MDGA2: variants seen among roughly 807,000 people sequenced by gnomAD.
MDGA2 encodes MAM domain-containing glycosylphosphatidylinositol anchor protein 2.
In MDGA2, 40 loss-of-function variants were observed where a neutral mutation model predicts 117.8. The ratio of observed to expected loss-of-function variants is 0.34; its 90% CI spans 0.26 to 0.44. The LOEUF (loss-of-function observed/expected upper bound fraction) is 0.44. Among genes scored for constraint, MDGA2 ranks in the 20% least tolerant of loss-of-function variants. The probability of loss-of-function intolerance (pLI) is 1.00; values close to 1 mark genes in which losing one functional copy is unlikely to be tolerated. For synonymous variants in MDGA2, 452 were observed against 439.0 expected (o/e 1.03, Z -0.37); for missense variants, 1,123 against 1,250.6 (o/e 0.90, Z 1.54).
chr14:46,944,915 T>C (rs2138591499), intron 9 of MDGA2, among the ~76,000 whole-genome samples: 1 of 152,196 alleles, frequency 6.6e-6, no homozygotes, highest in African/African-American at 2.4e-5. Context: ...TACCTGAAGC[T>C]TTTTGCTAAA....
At chr14:47,245,023 T>C (rs547204686) in intron 2 of MDGA2, among the ~76,000 whole-genome samples, 1 of 151,884 alleles carries the variant, frequency 6.6e-6, no homozygotes, top group South Asian at 2.1e-4. Context: ...TTCATTTCTT[T>C]TTTTATTTGT....
At chr14:47,422,495 T>C (rs944267518) in intron 1 of MDGA2, among the ~76,000 whole-genome samples, 8 of 152,150 alleles carry the variant, frequency 5.3e-5, no homozygotes, top group Admixed American at 3.3e-4. Context: ...AAATTCAAGC[T>C]AAGAACCATT....
At chr14:47,276,921 G>A (rs1289308081) in intron 2 of MDGA2, among the ~76,000 whole-genome samples, 1 of 152,062 alleles carries the variant, frequency 6.6e-6, no homozygotes, top group East Asian at 1.9e-4. Context: ...ATATTTAGCA[G>A]TCCTAGGTTA....
intron 5 of MDGA2, among the ~76,000 whole-genome samples, chr14:47,099,729 T>C (rs1482744449): frequency 6.6e-6 from 1 of 152,050 alleles, no homozygotes; most frequent in Non-Finnish European, 1.5e-5. Flanking sequence ...CTGTGTGAAC[T>C]TGAGCAAGTT....
intron 15 of MDGA2, among the ~76,000 whole-genome samples, chr14:46,849,828 TAC>T (rs1380855439): frequency 5.3e-5 from 8 of 151,906 alleles, no homozygotes; most frequent in African/African-American, 1.7e-4. Flanking sequence ...ACTATTACAT[TAC>T]AGAGATAAAA....
Position 47,520,960 on chromosome 14 carries a change from C to T in MDGA2, c.280+153557G>A, listed in dbSNP as rs74757287. Among the ~76,000 whole-genome samples the T allele has an allele frequency of 5.4e-3, 826 of 152,236 alleles. 5 individuals carry two copies. The highest frequency in any genetic ancestry group is 0.018 in the African/African-American group (761 of 41,532). ...AGTACAGGATGAATTTCAACTTACA[C>T]GAGAATTTTATTTCTTTTCTAATGC... On this transcript the variant is annotated intron_variant, in intron 1 of 16. Coordinates refer to ENST00000399232, the MANE Select transcript of MDGA2 (RefSeq NM_001113498.3).
rs564809639 is a variant in MDGA2, at chr14:47,406,316, A to G, written c.281-104766T>C. ...TCATTCCAGCATCCTTTAAAATGAC[A>G]AAATTATAAAAACAATACAAATTTC... On this transcript the variant is annotated intron_variant, in intron 1 of 16. Coordinates refer to ENST00000399232, the MANE Select transcript of MDGA2 (RefSeq NM_001113498.3). 2.0e-5 allele frequency among the ~76,000 whole-genome samples: 3 copies of G among 152,108 alleles called. No homozygotes were observed. In the South Asian group the frequency reaches 6.2e-4, roughly 31 times the overall value.
chr14:47,124,562 C>T (rs764014527), intron 5 of MDGA2, among the ~76,000 whole-genome samples: 1 of 152,038 alleles, frequency 6.6e-6, no homozygotes, highest in Non-Finnish European at 1.5e-5. Context: ...ATGCAAAGTC[C>T]ACATTCAGTA....
At chr14:47,087,794 AG>A (rs1349385824) in intron 6 of MDGA2, among the ~76,000 whole-genome samples, 1 of 69,946 alleles carries the variant, frequency 1.4e-5, no homozygotes, top group Non-Finnish European at 2.8e-5. Flanking sequence ...TTACAACTGT[AG>A]GGTATCAAAA....
intron 7 of MDGA2, 126 bp downstream of exon 7, chr14:47,061,123 A>G: frequency 4.0e-6 from 3 of 754,984 alleles, no homozygotes; most frequent in Non-Finnish European, 6.4e-6. Context: ...CATTCAGAAC[A>G]TTATAATTTT....
intron 10 of MDGA2, among the ~76,000 whole-genome samples, chr14:46,918,402 G>A (rs1212135056): frequency 2.0e-5 from 3 of 152,146 alleles, no homozygotes; most frequent in African/African-American, 4.8e-5. Flanking sequence ...AATATTAGCT[G>A]TGTTAAGGAA....
intron 10 of MDGA2, among the ~76,000 whole-genome samples, chr14:46,888,255 A>C (rs1882744528): frequency 6.6e-6 from 1 of 151,964 alleles, no homozygotes; most frequent in Non-Finnish European, 1.5e-5. Flanking sequence ...GTTTGCACAT[A>C]CATAAAAGGA....
chr14:47,441,080 A>C (rs1893001643), intron 1 of MDGA2, among the ~76,000 whole-genome samples: 1 of 152,144 alleles, frequency 6.6e-6, no homozygotes, highest in Non-Finnish European at 1.5e-5. Flanking sequence ...TAGAATGATA[A>C]ACACAAGTCT....
chr14:47,463,163 A>T (rs1444246637), intron 1 of MDGA2, among the ~76,000 whole-genome samples: 1 of 152,244 alleles, frequency 6.6e-6, no homozygotes, highest in Non-Finnish European at 1.5e-5. Context: ...CATAGAAAAT[A>T]GTTTTTAGCA....
intron 3 of MDGA2, among the ~76,000 whole-genome samples, chr14:47,212,886 G>C (rs1885938120): frequency 6.6e-6 from 1 of 152,000 alleles, no homozygotes; most frequent in Non-Finnish European, 1.5e-5. Context: ...ATGAGAATTT[G>C]TCTCTAAAAT....
intron 1 of MDGA2, among the ~76,000 whole-genome samples, chr14:47,370,015 C>A (rs1256140850): frequency 6.6e-6 from 1 of 151,888 alleles, no homozygotes; most frequent in Admixed American, 6.6e-5. Context: ...AAAAATAAAT[C>A]TTCAATAATT....
At chr14:47,237,596 G>A (rs768134042) in intron 2 of MDGA2, among the ~76,000 whole-genome samples, 6 of 152,066 alleles carry the variant, frequency 3.9e-5, no homozygotes, top group Admixed American at 6.5e-5. Context: ...ATTGTTATAC[G>A]AATATATCTG....
chr14:46,937,674 C>G (rs564370908), intron 9 of MDGA2, among the ~76,000 whole-genome samples: 3 of 152,180 alleles, frequency 2.0e-5, no homozygotes, highest in African/African-American at 7.2e-5. Context: ...TGATTTTTGA[C>G]AAAGGTGCCA....
At chr14:46,849,991 G>A (rs879921334) in intron 15 of MDGA2, among the ~76,000 whole-genome samples, 61 of 151,772 alleles carry the variant, frequency 4.0e-4, no homozygotes, top group African/African-American at 1.1e-3. Context: ...TGTTCCTCCC[G>A]CACAATAGCA....
Sources: allele counts gnomAD v4.1 joint callset (sites outside exome capture counted in the v4.1 genomes callset), GRCh38; gene constraint gnomAD v4.1.1; transcripts MANE v1.5; gene names NCBI Gene and HGNC (gene_info 2026-07-23, HGNC 2026-07-21).